The following UCHL3 variants were observed in gnomAD, a reference collection of about 807,000 sequenced individuals.
The protein encoded by UCHL3 is ubiquitin C-terminal hydrolase L3.
Under a neutral mutation model 35.8 loss-of-function variants are expected in UCHL3, and 22 were observed. That is an observed-to-expected ratio of 0.61 (90% CI 0.44 to 0.88). UCHL3 has a LOEUF of 0.88. UCHL3 is among the 40% of genes least tolerant of loss of function. The pLI is 0.00. For synonymous variants in UCHL3, 90 were observed against 92.8 expected (o/e 0.97, Z 0.17); for missense variants, 229 against 276.9 (o/e 0.83, Z 1.23).
chr13:75,555,247 G>T (rs2031252877), intron 2 of UCHL3, among the ~76,000 whole-genome samples: 1 of 152,206 alleles, frequency 6.6e-6, no homozygotes. Flanking sequence ...CATCTCATCA[G>T]TGAGTCTTTG....
intron 7 of UCHL3, among the ~76,000 whole-genome samples, chr13:75,601,730 T>C (rs997849975): frequency 3.3e-5 from 5 of 152,182 alleles, no homozygotes; most frequent in Non-Finnish European, 5.9e-5. Context: ...TAACCCACAG[T>C]ATCTCTCAGG....
At chr13:75,551,678 A>G (rs2138443238) in intron 2 of UCHL3, among the ~76,000 whole-genome samples, 1 of 152,312 alleles carries the variant, frequency 6.6e-6, no homozygotes, top group South Asian at 2.1e-4. Context: ...GTAATTAACC[A>G]TATCAATAGA....
At chr13:75,592,446 A>ATACATATATATATATATTTATATATG (rs36133915) in intron 6 of UCHL3, among the ~76,000 whole-genome samples, 2 of 71,082 alleles carry the variant, frequency 2.8e-5, no homozygotes, top group Non-Finnish European at 6.4e-5. Context: ...ATATATATAT[A>ATACATATATATATATATTTATATATG]TATATATATA....
At chr13:75,560,393 G>A (rs2138469333) in intron 2 of UCHL3, among the ~76,000 whole-genome samples, 1 of 152,254 alleles carries the variant, frequency 6.6e-6, no homozygotes, top group South Asian at 2.1e-4. Flanking sequence ...TGAAAAAAGA[G>A]GTTTTATTTC....
intron 7 of UCHL3, among the ~76,000 whole-genome samples, chr13:75,598,324 A>C (rs1478734568): frequency 6.6e-6 from 1 of 152,208 alleles, no homozygotes; most frequent in Non-Finnish European, 1.5e-5. Context: ...AAACAAGTGG[A>C]TACTCTCCTA....
At chr13:75,561,785 G>A (rs1336352819) in intron 3 of UCHL3, among the ~76,000 whole-genome samples, 3 of 134,872 alleles carry the variant, frequency 2.2e-5, no homozygotes, top group African/African-American at 7.8e-5. Context: ...GTTTCTGTGT[G>A]TGTGTATATA....
chr13:75,558,662 T>TTA (rs1478689282), intron 2 of UCHL3, among the ~76,000 whole-genome samples: 4 of 152,232 alleles, frequency 2.6e-5, no homozygotes, highest in African/African-American at 9.6e-5. Context: ...CTTTTCCTCA[T>TTA]TATACAGAGG....
At chr13:75,598,818 AT>A (rs1251260173) in intron 7 of UCHL3, among the ~76,000 whole-genome samples, 1 of 152,224 alleles carries the variant, frequency 6.6e-6, no homozygotes, top group Non-Finnish European at 1.5e-5. Context: ...CAGATTTTGC[AT>A]CCATTGATTA....
At chr13:75,597,615 T>G (rs2032677315) in intron 7 of UCHL3, among the ~76,000 whole-genome samples, 1 of 152,196 alleles carries the variant, frequency 6.6e-6, no homozygotes, top group East Asian at 1.9e-4. Context: ...GTATTTGGAA[T>G]TGTGTAGGTT....
chr13:75,569,052 C>A, intron 5 of UCHL3: 1 of 153,244 alleles, frequency 6.5e-6, no homozygotes. Context: ...AACATAAATA[C>A]AGCCAGAGCT....
intron 6 of UCHL3, among the ~76,000 whole-genome samples, chr13:75,587,131 T>A (rs2032349188): frequency 6.7e-6 from 1 of 150,260 alleles, no homozygotes; most frequent in Non-Finnish European, 1.5e-5. Context: ...TCCTAGCCAA[T>A]ATAGTAGGGC....
At chr13:75,594,235 T>C (rs1458089565) in intron 6 of UCHL3, among the ~76,000 whole-genome samples, 1 of 117,506 alleles carries the variant, frequency 8.5e-6, no homozygotes, top group East Asian at 2.3e-4. Context: ...TTCAAATTGT[T>C]TGTTAAGCAT....
chr13:75,575,328 G>T (rs1018366304), intron 6 of UCHL3, among the ~76,000 whole-genome samples: 2 of 152,126 alleles, frequency 1.3e-5, no homozygotes, highest in African/African-American at 4.8e-5. Context: ...ACACTGAAAG[G>T]TATTGCTTTC....
chr13:75,592,588 T>A (rs1201106666), intron 6 of UCHL3, among the ~76,000 whole-genome samples: 1 of 150,174 alleles, frequency 6.7e-6, no homozygotes, highest in Non-Finnish European at 1.5e-5. Flanking sequence ...TTTCTTGTTT[T>A]TAGTGGAATA....
intron 6 of UCHL3, among the ~76,000 whole-genome samples, chr13:75,580,702 A>G (rs2032156057): frequency 6.6e-6 from 1 of 152,178 alleles, no homozygotes; most frequent in African/African-American, 2.4e-5. Context: ...GGGCAGGCTA[A>G]CTAAGTGCTG....
At chr13:75,551,486 G>T (rs1332632064) in intron 2 of UCHL3, among the ~76,000 whole-genome samples, 1 of 150,094 alleles carries the variant, frequency 6.7e-6, no homozygotes, top group African/African-American at 2.5e-5. Context: ...TTATCCTGAC[G>T]CCAAACTAGA....
chr13:75,549,788 G>A, upstream of UCHL3: 3 of 1,499,454 alleles, frequency 2.0e-6, no homozygotes, highest in East Asian at 2.4e-5. Context: ...GAAGGCGGCG[G>A]CTGTCAGAGC....
chr13:75,549,717 C>T, upstream of UCHL3: 4 of 1,342,232 alleles, frequency 3.0e-6, no homozygotes, highest in East Asian at 8.0e-5. Flanking sequence ...GCTCCTCCTC[C>T]GGGCGGTGTG....
chr13:75,573,072 C>T (rs1236594596), intron 6 of UCHL3, among the ~76,000 whole-genome samples: 2 of 152,152 alleles, frequency 1.3e-5, no homozygotes, highest in Admixed American at 6.5e-5. Flanking sequence ...CAAGACTAGC[C>T]TGGCCAACAT....
Sources: allele counts gnomAD v4.1 joint callset (sites outside exome capture counted in the v4.1 genomes callset), GRCh38; gene constraint gnomAD v4.1.1; transcripts MANE v1.5; gene names NCBI Gene and HGNC (gene_info 2026-07-23, HGNC 2026-07-21).